Variants in NSUN6 observed in about 807,000 individuals in gnomAD.
NSUN6 encodes NOP2/Sun RNA methyltransferase 6.
NSUN6 carries 64 observed loss-of-function variants against 58.0 expected under a neutral mutation model. The ratio of observed to expected loss-of-function variants is 1.10; its 90% CI spans 0.90 to 1.36. The LOEUF (loss-of-function observed/expected upper bound fraction) is 1.36. Among genes scored for constraint, NSUN6 ranks in the 40% most tolerant of loss-of-function variants. The pLI is 0.00. For synonymous variants in NSUN6, 231 were observed against 193.9 expected, an observed-to-expected ratio of 1.19 and a Z score of -1.59; for missense variants, 701 against 550.1, an observed-to-expected ratio of 1.27 and a Z score of -2.74.
intron 7 of NSUN6, among the ~76,000 whole-genome samples, chr10:18,591,281 C>G (rs996957945): frequency 1.3e-5 from 2 of 152,162 alleles, no homozygotes; most frequent in African/African-American, 4.8e-5. Context: ...CAGATGGATT[C>G]ACAGCAAAAT....
chr10:18,609,997 G>A (rs375493877), intron 5 of NSUN6, 71 bp from the exon 6 acceptor site: 96 of 910,924 alleles, frequency 1.1e-4, no homozygotes, highest in East Asian at 7.9e-4. Context: ...TTCCAGAAAC[G>A]TTCTCCAATA....
intron 8 of NSUN6, among the ~76,000 whole-genome samples, chr10:18,583,904 C>T (rs1265459434): frequency 6.6e-6 from 1 of 152,180 alleles, no homozygotes; most frequent in Non-Finnish European, 1.5e-5. Context: ...TCTCCCCTTT[C>T]CCTATTCCCC....
intron 8 of NSUN6, among the ~76,000 whole-genome samples, chr10:18,565,785 A>G (rs2055880415): frequency 7.0e-6 from 1 of 142,120 alleles, no homozygotes; most frequent in East Asian, 2.2e-4. Context: ...CTTTCATTCC[A>G]TTCTCCACTC....
chr10:18,616,593 T>C (rs953393140), intron 3 of NSUN6, among the ~76,000 whole-genome samples: 3 of 152,172 alleles, frequency 2.0e-5, no homozygotes, highest in Non-Finnish European at 4.4e-5. Context: ...AGGAGAAAAA[T>C]AGACTTTCTC....
intron 3 of NSUN6, among the ~76,000 whole-genome samples, chr10:18,639,384 C>T (rs957466805): frequency 2.2e-4 from 34 of 152,206 alleles, no homozygotes; most frequent in African/African-American, 7.9e-4. Context: ...GCCCCAGCTA[C>T]TCGGGAGGCT....
chr10:18,583,780 T>G (rs2057006890), intron 8 of NSUN6, among the ~76,000 whole-genome samples: 1 of 152,194 alleles, frequency 6.6e-6, no homozygotes, highest in Non-Finnish European at 1.5e-5. Flanking sequence ...TAGAAAAAAA[T>G]GAGCATACTT....
intron 3 of NSUN6, among the ~76,000 whole-genome samples, chr10:18,622,016 T>C (rs535375467): frequency 0.1 from 390 of 3,834 alleles, 3 homozygotes; most frequent in African/African-American, 0.4. Context: ...TATTCACACA[T>C]ATATATATAT....
At chr10:18,630,067 G>C (rs1445484708) in intron 3 of NSUN6, among the ~76,000 whole-genome samples, 1 of 145,116 alleles carries the variant, frequency 6.9e-6, no homozygotes, top group Non-Finnish European at 1.5e-5. Context: ...TCAGACCACA[G>C]TGCAATCAAA....
At chr10:18,632,962 T>A (rs2059087367) in intron 3 of NSUN6, among the ~76,000 whole-genome samples, 1 of 152,154 alleles carries the variant, frequency 6.6e-6, no homozygotes. Context: ...CACCCGTATG[T>A]TTATTCCGGC....
In NSUN6 at chr10:18,636,352, C is replaced by G. The variant is rs558219382; in HGVS notation, c.311+6124G>C. ...GGAAATAACATGATATAAAGCTTGA[C>G]AATGTTAAAAAAAAAAAAAAAAAAC... On this transcript the variant is annotated intron_variant, in intron 3 of 10. Transcript: ENST00000377304. 1.6e-3 allele frequency among the ~76,000 whole-genome samples: 218 copies of G among 136,254 alleles called. 2 individuals are homozygous for G. The highest frequency in any genetic ancestry group is 5.9e-3 in the African/African-American group (213 of 35,994). 89.4% of individuals were successfully genotyped at this position (136,254 alleles called of 152,430 possible). A position where few individuals can be genotyped will look rare whatever the true frequency, so the allele number is the denominator to read the frequency against.
chr10:18,652,873 T>G (rs1051143332), upstream of NSUN6: 2 of 982,626 alleles, frequency 2.0e-6, no homozygotes, highest in Non-Finnish European at 1.2e-6. Context: ...TTCTCTGTTT[T>G]AAAGAGTAAA....
Position 18,549,913 on chromosome 10 carries a change from T to C in NSUN6, c.1072-1676A>G, listed in dbSNP as rs528285167. On this transcript the variant is annotated intron_variant, in intron 9 of 10. Transcript: ENST00000377304. ...TCCTTATAACAACCACAAAGTAAGA[T>C]GACTATCACCAATGAGGTATTCCTA... Among the ~76,000 whole-genome samples the C allele has an allele frequency of 2.0e-5, 3 of 152,356 alleles. No homozygotes were observed. In the South Asian group the frequency reaches 6.2e-4, roughly 32 times the overall value.
chr10:18,571,396 A>ACATTC, intron 8 of NSUN6, among the ~76,000 whole-genome samples: 1 of 143,154 alleles, frequency 7.0e-6, no homozygotes, highest in African/African-American at 2.6e-5. Context: ...ATTCCATTCT[A>ACATTC]CATTCCATTC....
chr10:18,612,089 C>A (rs765917071), intron 5 of NSUN6, among the ~76,000 whole-genome samples: 1 of 152,090 alleles, frequency 6.6e-6, no homozygotes, highest in Non-Finnish European at 1.5e-5. Flanking sequence ...AGAAAATATA[C>A]AAACGAAGCT....
intron 6 of NSUN6, among the ~76,000 whole-genome samples, chr10:18,605,146 A>G (rs964797348): frequency 2.6e-5 from 4 of 151,316 alleles, no homozygotes; most frequent in Non-Finnish European, 5.9e-5. Context: ...CGGCCTCCCA[A>G]AGTGCTGGGA....
chr10:18,570,244 A>G (rs1042661405), intron 8 of NSUN6, among the ~76,000 whole-genome samples: 2 of 147,044 alleles, frequency 1.4e-5, no homozygotes, highest in African/African-American at 5.1e-5. Flanking sequence ...TCTCCATTCC[A>G]TTCCATTCAA....
intron 6 of NSUN6, among the ~76,000 whole-genome samples, chr10:18,604,746 T>C (rs1432922136): frequency 2.6e-5 from 4 of 151,568 alleles, no homozygotes; most frequent in Admixed American, 2.6e-4. Flanking sequence ...ATTAACTGGG[T>C]GTAGTGACGC....
intron 3 of NSUN6, among the ~76,000 whole-genome samples, chr10:18,619,936 T>C (rs1261575091): frequency 6.6e-6 from 1 of 152,174 alleles, no homozygotes; most frequent in Non-Finnish European, 1.5e-5. Context: ...TGCGATGCAA[T>C]ATATTATAAA....
At chr10:18,630,341 AG>A (rs1353311845) in intron 3 of NSUN6, among the ~76,000 whole-genome samples, 5 of 150,770 alleles carry the variant, frequency 3.3e-5, no homozygotes, top group Non-Finnish European at 7.4e-5. Flanking sequence ...CACAATTAAA[AG>A]AACTAGAAAA....
Sources: allele counts gnomAD v4.1 joint callset (sites outside exome capture counted in the v4.1 genomes callset), GRCh38; gene constraint gnomAD v4.1.1; transcripts MANE v1.5; gene names NCBI Gene and HGNC (gene_info 2026-07-23, HGNC 2026-07-21).